GAREM1: variants seen among roughly 807,000 people sequenced by gnomAD.
The protein encoded by GAREM1 is GRB2-associated and regulator of MAPK protein 1.
In GAREM1, 26 loss-of-function variants were observed where a neutral mutation model predicts 71.3. The ratio of observed to expected loss-of-function variants is 0.36; its 90% CI spans 0.27 to 0.51. GAREM1 has a LOEUF of 0.51. GAREM1 is among the 20% of genes least tolerant of loss of function. The pLI is 0.95. For synonymous variants in GAREM1, 440 were observed against 433.2 expected, an observed-to-expected ratio of 1.02 and a Z score of -0.20; for missense variants, 1,026 against 1,103.1, an observed-to-expected ratio of 0.93 and a Z score of 0.99.
At chr18:32,343,694 A>C (rs912151949) in intron 2 of GAREM1, among the ~76,000 whole-genome samples, 1 of 152,226 alleles carries the variant, frequency 6.6e-6, no homozygotes. Flanking sequence ...AGATTATGAA[A>C]TATTAATATC....
rs1567980625 is a variant in GAREM1 at position 32,364,012 on chromosome 18, A to T, written c.262+28883T>A. Reference sequence around the variant, plus strand: ...CATATATACATATATATATATATATATATATATATATATATGTTTTTTTTT... The same window carrying T: ...CATATATACATATATATATATATATTTATATATATATATATGTTTTTTTTT... On this transcript the variant is annotated intron_variant, in intron 2 of 5. Transcript: ENST00000269209. Among the ~76,000 whole-genome samples the T allele has an allele frequency of 1.6e-3, 81 of 51,432 alleles. 5 individuals carry two copies. Among genetic ancestry groups the T allele is most frequent in the African/African-American group, 8.0e-3 (71 of 8,822 alleles). 33.7% of individuals were successfully genotyped at this position (51,432 alleles called of 152,430 possible). A position where few individuals can be genotyped will look rare whatever the true frequency, so the allele number is the denominator to read the frequency against.
At chr18:32,332,987 A>ATT (rs200609234) in intron 2 of GAREM1, among the ~76,000 whole-genome samples, 4 of 147,816 alleles carry the variant, frequency 2.7e-5, no homozygotes, top group African/African-American at 2.5e-5. Context: ...TTAGGGGAGA[A>ATT]TTTTTTTTTT....
At chr18:32,456,164 T>C (rs1196090048) in intron 1 of GAREM1, among the ~76,000 whole-genome samples, 1 of 151,956 alleles carries the variant, frequency 6.6e-6, no homozygotes, top group Non-Finnish European at 1.5e-5. Flanking sequence ...AATGGAAAAA[T>C]GTAGATTAGG....
rs2047397539 is a variant in GAREM1 at position 32,318,109 on chromosome 18, ATCT to A, written c.263-7789_263-7787del. Among the ~76,000 whole-genome samples, 3 of 152,330 alleles carry A rather than the reference ATCT, an allele frequency of 2.0e-5. No homozygotes were observed. In the South Asian group the frequency reaches 6.2e-4, roughly 32 times the overall value. On this transcript the variant is annotated intron_variant, in intron 2 of 5. Coordinates refer to ENST00000269209, the MANE Select transcript of GAREM1 (RefSeq NM_001242409.2). Reference sequence around the variant, plus strand: ...ATGTCTCCATTGTAAGAGCTGTTCCATCTGCAGGCCCCTGAAAGTTCCAGGAAC... The same window carrying A: ...ATGTCTCCATTGTAAGAGCTGTTCCAGCAGGCCCCTGAAAGTTCCAGGAAC...
At chr18:32,338,195 G>C (rs2047616583) in intron 2 of GAREM1, among the ~76,000 whole-genome samples, 1 of 152,188 alleles carries the variant, frequency 6.6e-6, no homozygotes, top group Non-Finnish European at 1.5e-5. Context: ...GAGGGATCAA[G>C]TTAGGCATAT....
At chr18:32,333,664 G>A (rs528765345) in intron 2 of GAREM1, among the ~76,000 whole-genome samples, 18 of 152,274 alleles carry the variant, frequency 1.2e-4, no homozygotes, top group South Asian at 4.1e-4. Context: ...ATGCTGCAAG[G>A]CTGTGTGATT....
At chr18:32,378,079 G>A (rs1490670384) in intron 2 of GAREM1, among the ~76,000 whole-genome samples, 1 of 148,896 alleles carries the variant, frequency 6.7e-6, no homozygotes, top group Non-Finnish European at 1.5e-5. Flanking sequence ...CTTTGGAGGA[G>A]GGCAGGGTTG....
chr18:32,365,012 T>G (rs1178170625), intron 2 of GAREM1, among the ~76,000 whole-genome samples: 1 of 151,972 alleles, frequency 6.6e-6, no homozygotes, highest in African/African-American at 2.4e-5. Context: ...GAGTGGTGAG[T>G]GGCAAAGCAA....
chr18:32,386,410 A>G (rs546630083), intron 2 of GAREM1, among the ~76,000 whole-genome samples: 85 of 152,358 alleles, frequency 5.6e-4, no homozygotes, highest in African/African-American at 2.0e-3. Context: ...AAGGGCCTTG[A>G]AAACTGCATA....
intron 2 of GAREM1, among the ~76,000 whole-genome samples, chr18:32,378,891 G>A (rs2048066641): frequency 6.6e-6 from 1 of 152,158 alleles, no homozygotes; most frequent in Non-Finnish European, 1.5e-5. Context: ...TGCTGCCAAA[G>A]GGTTATCTCT....
At chr18:32,331,418 G>A (rs1202956577) in intron 2 of GAREM1, among the ~76,000 whole-genome samples, 2 of 152,172 alleles carry the variant, frequency 1.3e-5, no homozygotes, top group Non-Finnish European at 2.9e-5. Context: ...ACTGTTAAAT[G>A]TTAACACTAT....
chr18:32,347,615 G>C lies in GAREM1; in HGVS notation c.263-37292C>G, dbSNP rs142973773. Among the ~76,000 whole-genome samples the C allele has an allele frequency of 4.0e-3, 610 of 152,254 alleles. 4 individuals carry two copies. Among genetic ancestry groups the C allele is most frequent in the African/African-American group, 0.014 (585 of 41,558 alleles). On this transcript the variant is annotated intron_variant, in intron 2 of 5. Transcript: ENST00000269209. Reference sequence around the variant, plus strand: ...TCCTAAAGCAAACTGGGTCAATTAGGAAATATTTCTTGGAGAAATGCCTTA... The same window carrying C: ...TCCTAAAGCAAACTGGGTCAATTAGCAAATATTTCTTGGAGAAATGCCTTA...
chr18:32,393,626 C>T (rs2048224237), intron 1 of GAREM1, among the ~76,000 whole-genome samples: 1 of 152,112 alleles, frequency 6.6e-6, no homozygotes, highest in Admixed American at 6.5e-5. Context: ...ACTCACAGTT[C>T]CTTTTAAATT....
intron 1 of GAREM1, among the ~76,000 whole-genome samples, chr18:32,402,270 A>AT (rs1366108014): frequency 6.6e-6 from 1 of 152,144 alleles, no homozygotes; most frequent in Non-Finnish European, 1.5e-5. Context: ...ATTTCCCCAC[A>AT]TTTAACATGC....
intron 2 of GAREM1, among the ~76,000 whole-genome samples, chr18:32,358,660 G>A (rs1021891309): frequency 7.9e-5 from 12 of 152,038 alleles, no homozygotes; most frequent in African/African-American, 2.7e-4. Context: ...AACTTTCTAC[G>A]GTATCATGCA....
chr18:32,300,846 C>T (rs149136624), intron 3 of GAREM1, among the ~76,000 whole-genome samples: 1,427 of 137,068 alleles, frequency 0.01, 25 homozygotes, highest in East Asian at 0.063. Flanking sequence ...GCAGAGGTTG[C>T]GGTGAGCTGA....
intron 1 of GAREM1, among the ~76,000 whole-genome samples, chr18:32,426,988 C>T (rs376297968): frequency 1.4e-4 from 22 of 152,110 alleles, no homozygotes; most frequent in East Asian, 9.6e-4. Flanking sequence ...ACTTAAATTG[C>T]ATAGGAGCCC....
At chr18:32,378,835 C>A (rs7237059) in intron 2 of GAREM1, among the ~76,000 whole-genome samples, 5,144 of 152,266 alleles carry the variant, frequency 0.034, 134 homozygotes, top group East Asian at 0.11. Context: ...TTTGCTATTT[C>A]CACTTTACTT....
At chr18:32,373,702 A>C (rs900576578) in intron 2 of GAREM1, among the ~76,000 whole-genome samples, 1 of 152,222 alleles carries the variant, frequency 6.6e-6, no homozygotes, top group Non-Finnish European at 1.5e-5. Context: ...AAGGTTGGTC[A>C]CTAGGTGCCA....
Sources: allele counts gnomAD v4.1 joint callset (sites outside exome capture counted in the v4.1 genomes callset), GRCh38; gene constraint gnomAD v4.1.1; transcripts MANE v1.5; gene names NCBI Gene and HGNC (gene_info 2026-07-23, HGNC 2026-07-21).